The following LY75 variants were observed in gnomAD, a reference collection of about 807,000 sequenced individuals.
LY75 encodes C-type lectin domain family 13 member B.
LY75 carries 185 observed loss-of-function variants against 231.7 expected under a neutral mutation model. The ratio of observed to expected loss-of-function variants is 0.80; its 90% CI spans 0.71 to 0.90. LY75 has a LOEUF of 0.90. Ranked by LOEUF, LY75 falls within the 40% of genes least tolerant of loss-of-function variation. The pLI is 0.00. For missense variants in LY75, 1,947 were observed against 2,050.2 expected, an observed-to-expected ratio of 0.95 and a Z score of 0.97; for synonymous variants, 668 against 689.0, an observed-to-expected ratio of 0.97 and a Z score of 0.48.
chr2:159,890,427 C>G, intron 3 of LY75, 50 bp from the exon 4 acceptor site: 1 of 1,605,000 alleles, frequency 6.2e-7, no homozygotes, highest in Non-Finnish European at 8.5e-7. Flanking sequence ...ATAATGTTTT[C>G]TATTACTTAG....
chr2:159,873,508 C>G (rs892488534), intron 12 of LY75, among the ~76,000 whole-genome samples: 4 of 152,124 alleles, frequency 2.6e-5, no homozygotes, highest in Non-Finnish European at 5.9e-5. Flanking sequence ...AGGGCTGGAG[C>G]CCAGCACAGC....
At chr2:159,877,031 A>G (rs984742550) in intron 11 of LY75, among the ~76,000 whole-genome samples, 4 of 147,206 alleles carry the variant, frequency 2.7e-5, no homozygotes, top group African/African-American at 7.5e-5. Context: ...AAAAAAAAAA[A>G]AAAGAAAAAA....
Position 159,862,426 on chromosome 2 carries a change from T to A in LY75, c.2200-1537A>T, listed in dbSNP as rs969378404. On this transcript the variant is annotated intron_variant, in intron 14 of 34. Transcript: ENST00000263636. ...TGAGTTGAGATCGCAGCACTGCACT[T>A]CACCCTGGGTGGCAGAGTAAGACCC... Among the ~76,000 whole-genome samples the A allele has an allele frequency of 2.0e-5, 3 of 152,154 alleles. No individual in the cohort carries two copies. In the East Asian group the frequency reaches 5.8e-4, roughly 29 times the overall value.
Position 159,850,364 on chromosome 2 carries a change from T to C in LY75, c.2987A>G (p.Gln996Arg). The C allele has an allele frequency of 6.2e-7, 1 of 1,613,590 alleles. No individual in the cohort carries two copies. Among genetic ancestry groups the C allele is most frequent in the South Asian group, 1.1e-5 (1 of 91,054 alleles). Residue 996 changes from glutamine (Q) to arginine (R), a missense_variant and splice_region_variant, in exon 22 of 35, where the codon CAA becomes CGA. By Grantham distance (43) the Gln-to-Arg change is conservative. Transcript: ENST00000263636. The part of the protein sequence containing the change: ...TLPSVLSQIE[Q>R]DFITSLLPDM... ...TGTTTCCCAAATAATTCCAGTACCT[T>C]GTTCAATCTGGCTCAACACTGAAGG...
chr2:159,859,110 A>G (rs1269211515), intron 15 of LY75, among the ~76,000 whole-genome samples: 2 of 152,100 alleles, frequency 1.3e-5, no homozygotes, highest in African/African-American at 4.8e-5. Context: ...TATTTGGTAG[A>G]TTTTCAAATC....
intron 24 of LY75, 93 bp from the exon 25 acceptor site, chr2:159,841,048 C>G (rs1267974019): frequency 6.3e-5 from 97 of 1,527,606 alleles, no homozygotes; most frequent in Non-Finnish European, 8.0e-5. Flanking sequence ...CCATACTAAT[C>G]TAATTTAGAT....
intron 25 of LY75, among the ~76,000 whole-genome samples, chr2:159,836,595 T>A (rs149453176): frequency 2.0e-3 from 304 of 152,290 alleles, no homozygotes; most frequent in Non-Finnish European, 3.5e-3. Context: ...CCCAAGACAA[T>A]CTGCATCACT....
At position 159,904,684 on chromosome 2, in the gene LY75, C is replaced by A. The variant is rs561836246; in HGVS notation, c.-2G>T. The A allele has an allele frequency of 5.5e-5, 80 of 1,444,452 alleles. No homozygotes were observed. The East Asian group carries it at 2.2e-3, about 40-fold the overall frequency. The allele number at this position is 1,444,452 out of a possible 1,614,324, so 89.5% of individuals were successfully genotyped here. The stretch of plus-strand genomic sequence containing the variant: ...AGGGGTCGCCCAGCCTGTCCTCATC[C>A]TGAGCTGGCGCAAGCCTTCCGGCCG... On this transcript the variant is annotated 5_prime_UTR_variant, in exon 1 of 35. In the 5' UTR this introduces an upstream ATG that the reference lacks. Transcript: ENST00000263636.
At chr2:159,881,737 CA>C (rs2125875971) in intron 7 of LY75, among the ~76,000 whole-genome samples, 1 of 152,018 alleles carries the variant, frequency 6.6e-6, no homozygotes, top group East Asian at 1.9e-4. Flanking sequence ...CAAATAATTA[CA>C]AAAGTGAAGT....
At chr2:159,821,046 G>T (rs919722357) in intron 28 of LY75, among the ~76,000 whole-genome samples, 5 of 152,050 alleles carry the variant, frequency 3.3e-5, no homozygotes, top group African/African-American at 1.2e-4. Context: ...CACCCTCTTG[G>T]CCAGGCAGGT....
chr2:159,867,123 C>A (rs1299502402), intron 13 of LY75, among the ~76,000 whole-genome samples: 2 of 152,132 alleles, frequency 1.3e-5, no homozygotes, highest in Non-Finnish European at 2.9e-5. Flanking sequence ...CTTTCTGAAA[C>A]TGTATTTCAG....
chr2:159,831,186 C>T (rs140475755), intron 28 of LY75, among the ~76,000 whole-genome samples: 6 of 152,206 alleles, frequency 3.9e-5, no homozygotes, highest in Non-Finnish European at 7.4e-5. Flanking sequence ...AGGTGATTTT[C>T]CCCCTTGCTG....
intron 16 of LY75, among the ~76,000 whole-genome samples, chr2:159,856,713 G>A (rs535472679): frequency 2.0e-5 from 3 of 152,194 alleles, no homozygotes; most frequent in Admixed American, 1.3e-4. Context: ...AATGGAGGTG[G>A]AATTATTTAG....
rs1200276896 is a variant in LY75 at position 159,816,825 on chromosome 2, A to G, written c.4361T>C (p.Val1454Ala). 1.2e-6 allele frequency: 2 copies of G among 1,614,140 alleles called. No individual in the cohort carries two copies. The highest frequency in any genetic ancestry group is 2.2e-5 in the South Asian group (2 of 91,084). Residue 1454 changes from valine to alanine, a missense_variant, in exon 30 of 35, where the codon GTT (valine) becomes GCT (alanine). Transcript: ENST00000263636. ...IVKRDGFPLW[V>A]GLSSHDGSES... ...ACTTACATCATGACTTGAGAGCCCAACCCATAGTGGAAATCCATCACGTTT... is the reference window on the plus strand; with the variant it reads ...ACTTACATCATGACTTGAGAGCCCAGCCCATAGTGGAAATCCATCACGTTT...
At chr2:159,819,619 A>AT in intron 29 of LY75, 107 bp downstream of exon 29, 3 of 1,370,904 alleles carry the variant, frequency 2.2e-6, no homozygotes, top group Non-Finnish European at 3.0e-6. Context: ...CTCGCACAGG[A>AT]CTGAATACAG....
rs532885292 is a variant in LY75 at position 159,899,045 on chromosome 2, T to G, written c.109A>C (p.Thr37Pro). ...PSGRAANDPF[T>P]IVHGNTGKCI... ...TTGCCCGTATTTCCATGGACGATGGTGAAGGGGTCATTAGCTGAGTCAAAT... is the reference window on the plus strand; with the variant it reads ...TTGCCCGTATTTCCATGGACGATGGGGAAGGGGTCATTAGCTGAGTCAAAT... Residue 37 changes from threonine (T) to proline (P), a missense_variant, in exon 2 of 35, where the codon ACC becomes CCC. Coordinates refer to ENST00000263636, the MANE Select transcript of LY75 (RefSeq NM_002349.4). The G allele has an allele frequency of 1.2e-6, 2 of 1,612,638 alleles. No individual in the cohort carries two copies. Among genetic ancestry groups the G allele is most frequent in the Non-Finnish European group, 1.7e-6 (2 of 1,179,154 alleles).
chr2:159,845,178 T>G (rs1453073958), intron 23 of LY75, among the ~76,000 whole-genome samples: 1 of 152,174 alleles, frequency 6.6e-6, no homozygotes, highest in South Asian at 2.1e-4. Flanking sequence ...ATCAAATTCA[T>G]GAATTGGAAG....
chr2:159,846,764 G>T (rs1352668009), intron 23 of LY75, among the ~76,000 whole-genome samples: 1 of 152,068 alleles, frequency 6.6e-6, no homozygotes, highest in Non-Finnish European at 1.5e-5. Context: ...AGAAATACAG[G>T]ATCAGCATAT....
intron 28 of LY75, 26 bp from the exon 29 acceptor site, chr2:159,819,946 G>A (rs372756314): frequency 7.1e-6 from 11 of 1,557,882 alleles, no homozygotes; most frequent in South Asian, 4.9e-5. Context: ...TTTTTCCTAT[G>A]CTTAGAGATT....
Sources: allele counts gnomAD v4.1 joint callset (sites outside exome capture counted in the v4.1 genomes callset), GRCh38; gene constraint gnomAD v4.1.1; transcripts MANE v1.5; gene names NCBI Gene and HGNC (gene_info 2026-07-23, HGNC 2026-07-21).